DNAH2: variants seen among roughly 807,000 people sequenced by gnomAD.
DNAH2 encodes the protein dynein axonemal heavy chain 2, also known as axonemal beta dynein heavy chain 2.
In DNAH2, 323 loss-of-function variants were observed where a neutral mutation model predicts 523.5. The ratio of observed to expected loss-of-function variants is 0.62; its 90% CI spans 0.56 to 0.68. The LOEUF is 0.68. Among genes scored for constraint, DNAH2 ranks in the 30% least tolerant of loss-of-function variants. The pLI, the probability that DNAH2 is intolerant of heterozygous loss-of-function variation, is 0.00. For synonymous variants in DNAH2, 2,093 were observed against 2,177.4 expected, an observed-to-expected ratio of 0.96 and a Z score of 1.08; for missense variants, 4,907 against 5,701.5, an observed-to-expected ratio of 0.86 and a Z score of 4.49.
In DNAH2 at chr17:7,805,082, G is replaced by C; in HGVS notation, c.9300+8G>C. The C allele has an allele frequency of 1.9e-6, 3 of 1,612,342 alleles. No homozygotes were observed. The highest frequency in any genetic ancestry group is 2.5e-6 in the Non-Finnish European group (3 of 1,178,700). ...CTGGAAGAGGCCATGCGGGTACCAG[G>C]GGCGGGTGCAAGGATGGGAGCCAGG... On this transcript the variant is annotated splice_region_variant and intron_variant, in intron 60 of 85. Transcript: ENST00000572933.
chr17:7,740,993 G>C lies in DNAH2; in HGVS notation c.1689+1G>C. 2.5e-6 allele frequency: 4 copies of C among 1,594,988 alleles called. No individual in the cohort carries two copies. Among genetic ancestry groups the C allele is most frequent in the African/African-American group, 1.3e-5 (1 of 74,704 alleles). ...GCGTCGCATCGACAGAGTCATGACC[G>C]TAAGTGCCTGGCCTTCTCCATATTC... On this transcript the variant is annotated splice_donor_variant, in intron 11 of 85. Coordinates refer to ENST00000572933, the MANE Select transcript of DNAH2 (RefSeq NM_020877.5). LOFTEE classifies it high-confidence loss of function.
In DNAH2 at chr17:7,801,659, C is replaced by T. The variant is rs752932238; in HGVS notation, c.8781C>T (p.Leu2927=). 30 of 1,614,016 alleles carry T rather than the reference C, an allele frequency of 1.9e-5. No individual in the cohort carries two copies. The highest frequency in any genetic ancestry group is 1.5e-4 in the Admixed American group (9 of 59,978). Residue 2927 remains leucine, a synonymous_variant, in exon 57 of 86, where the codon CTC becomes CTT. Coordinates refer to ENST00000572933, the MANE Select transcript of DNAH2 (RefSeq NM_020877.5). Reference sequence around the variant, plus strand: ...CAGAGTGGCCCCAAGAGGCCCTGCTCGAGGTGGCTGAGAAGTGCCTCATAG... The same window carrying T: ...CAGAGTGGCCCCAAGAGGCCCTGCTTGAGGTGGCTGAGAAGTGCCTCATAG... ...WFSEWPQEAL[L]EVAEKCLIGV...
At chr17:7,802,757 G>C (rs902395041) in intron 58 of DNAH2, among the ~76,000 whole-genome samples, 1 of 151,876 alleles carries the variant, frequency 6.6e-6, no homozygotes, top group South Asian at 2.1e-4. Context: ...TCTGCCTCCC[G>C]GGTTCAAGTG....
chr17:7,822,596 C>A (rs1188956213), intron 73 of DNAH2, among the ~76,000 whole-genome samples: 3 of 151,754 alleles, frequency 2.0e-5, no homozygotes, highest in African/African-American at 7.3e-5. Flanking sequence ...CTTGGCACTG[C>A]CGTCTTTGCT....
intron 20 of DNAH2, among the ~76,000 whole-genome samples, chr17:7,764,551 C>A (rs183812868): frequency 1.2e-4 from 18 of 151,826 alleles, no homozygotes; most frequent in African/African-American, 4.1e-4. Flanking sequence ...ACCTCTGCCT[C>A]CCAGGCTCAA....
rs767057174 is a variant in DNAH2 at position 7,759,772 on chromosome 17, T to G, written c.2638-19T>G. ...CAGTCCTAAGGCTTTTCTCTCCATC[T>G]CCACTGGGTTCCTCACAGGTGGAAT... On this transcript the variant is annotated intron_variant, in intron 16 of 85. Coordinates refer to ENST00000572933, the MANE Select transcript of DNAH2 (RefSeq NM_020877.5). 1.9e-6 allele frequency: 3 copies of G among 1,614,020 alleles called. No homozygotes were observed. Among genetic ancestry groups the G allele is most frequent in the South Asian group, 1.1e-5 (1 of 91,084 alleles).
At chr17:7,802,046 G>A in intron 58 of DNAH2, 29 bp downstream of exon 58, 2 of 1,612,684 alleles carry the variant, frequency 1.2e-6, no homozygotes, top group East Asian at 2.2e-5. Context: ...GATGTGCAGG[G>A]CCAGGGAGGC....
rs138316732 is a variant in DNAH2, at chr17:7,776,047, G to C, written c.4845G>C (p.Gln1615His). 1 of 1,613,962 alleles carries C rather than the reference G, an allele frequency of 6.2e-7. No homozygotes were observed. Among genetic ancestry groups the C allele is most frequent in the African/African-American group, 1.3e-5 (1 of 74,946 alleles). The stretch of plus-strand genomic sequence containing the variant: ...AGTCCTGGCTTGGCGATGTGGAACA[G>C]ACCATGAGGGTGACCCTGCGGGACC... Reference protein sequence around the residue: ...PVESWLGDVEQTMRVTLRDLL... With the variant: ...PVESWLGDVEHTMRVTLRDLL... Residue 1615 changes from glutamine (Q) to histidine (H), a missense_variant, in exon 31 of 86, where the codon CAG becomes CAC. Physicochemically the swap from Gln to His is conservative, Grantham distance 24. Coordinates refer to ENST00000572933, the MANE Select transcript of DNAH2 (RefSeq NM_020877.5).
In DNAH2 at chr17:7,817,955, A is replaced by ATCATCGACC. The variant is rs762459294; in HGVS notation, c.10248_10256dup (p.Ile3417_Leu3419dup). The stretch of plus-strand genomic sequence containing the variant: ...CCCCCTTGCTCTCTAGGGCCTGAAG[A>ATCATCGACC]TCATCGACCTGCAGATGAGCGATTA... On this transcript the variant is annotated inframe_insertion, in exon 68 of 86. Coordinates refer to ENST00000572933, the MANE Select transcript of DNAH2 (RefSeq NM_020877.5). 6.2e-7 allele frequency: 1 copy of ATCATCGACC among 1,613,940 alleles called. No homozygotes were observed. Among genetic ancestry groups the ATCATCGACC allele is most frequent in the Non-Finnish European group, 8.5e-7 (1 of 1,179,968 alleles).
chr17:7,723,236 C>T (rs2074683801), intron 2 of DNAH2, among the ~76,000 whole-genome samples: 1 of 138,078 alleles, frequency 7.2e-6, no homozygotes, highest in Admixed American at 7.6e-5. Context: ...TCCCAAAGTG[C>T]TGGGATTACA....
intron 32 of DNAH2, among the ~76,000 whole-genome samples, chr17:7,777,137 A>G (rs2076476948): frequency 6.6e-6 from 1 of 151,812 alleles, no homozygotes; most frequent in South Asian, 2.1e-4. Flanking sequence ...TCAAAAAAAA[A>G]AAAAAAGAAA....
chr17:7,805,464 A>T lies in DNAH2; in HGVS notation c.9442+71A>T, dbSNP rs909643069. The stretch of plus-strand genomic sequence containing the variant: ...TTATTGATCGTCGGCTGTGCAGCAG[A>T]CACTCAGAAAGATAGGGATGGATGA... On this transcript the variant is annotated intron_variant, in intron 61 of 85. Coordinates refer to ENST00000572933, the MANE Select transcript of DNAH2 (RefSeq NM_020877.5). 23 of 1,599,742 alleles carry T rather than the reference A, an allele frequency of 1.4e-5. No individual in the cohort carries two copies. In the African/African-American group the frequency reaches 2.7e-4, roughly 19 times the overall value.
intron 49 of DNAH2, 146 bp from the exon 50 acceptor site, chr17:7,796,318 G>C: frequency 1.2e-6 from 1 of 821,748 alleles, no homozygotes; most frequent in Non-Finnish European, 1.8e-6. Context: ...CAAAGTACTG[G>C]GATTACAGGC....
rs1233954901 is a variant in DNAH2 at position 7,824,753 on chromosome 17, C to A, written c.11853+26C>A. On this transcript the variant is annotated intron_variant, in intron 77 of 85. Coordinates refer to ENST00000572933, the MANE Select transcript of DNAH2 (RefSeq NM_020877.5). ...GTATGTGGCCATAGAGAACCAGCATCATCAGGGCCATCTGGTCCACCTTAC... is the reference window on the plus strand; with the variant it reads ...GTATGTGGCCATAGAGAACCAGCATAATCAGGGCCATCTGGTCCACCTTAC... The A allele has an allele frequency of 3.4e-6, 5 of 1,470,130 alleles. No individual in the cohort carries two copies. In the East Asian group the frequency reaches 1.3e-4, roughly 38 times the overall value. 91.1% of individuals were successfully genotyped at this position (1,470,130 alleles called of 1,614,324 possible).
chr17:7,775,511 C>A (rs1044398543), intron 30 of DNAH2, among the ~76,000 whole-genome samples, 169 bp downstream of exon 30: 1 of 152,002 alleles, frequency 6.6e-6, no homozygotes, highest in Non-Finnish European at 1.5e-5. Context: ...CATGGAGAAA[C>A]CCCGTTTCTG....
chr17:7,798,511 G>T lies in DNAH2; in HGVS notation c.8399-47G>T. The T allele has an allele frequency of 6.2e-7, 1 of 1,608,164 alleles. No individual in the cohort carries two copies. Among genetic ancestry groups the T allele is most frequent in the East Asian group, 2.2e-5 (1 of 44,802 alleles). On this transcript the variant is annotated intron_variant, in intron 54 of 85. Coordinates refer to ENST00000572933, the MANE Select transcript of DNAH2 (RefSeq NM_020877.5). The surrounding 1 kb of genome is among the most constrained non-coding windows in gnomAD (Gnocchi z 5.5). ...ATCTCAGAAAAGGAATCAAGCCCAG[G>T]ATGGGGAATCTGCAGTGAGTTTGTC... is the stretch of plus-strand genomic sequence containing the variant.
intron 43 of DNAH2, 32 bp downstream of exon 43, chr17:7,788,029 C>G (rs1213526611): frequency 1.2e-6 from 2 of 1,613,150 alleles, no homozygotes; most frequent in East Asian, 4.5e-5. Context: ...GGGAAAGTAA[C>G]CAGGGTGGCT....
At chr17:7,752,160 TACACACACACACAC>T (rs1555544463) in intron 12 of DNAH2, among the ~76,000 whole-genome samples, 4 of 124,950 alleles carry the variant, frequency 3.2e-5, no homozygotes, top group Non-Finnish European at 6.5e-5. Context: ...TAAGTCATTT[TACACACACACACAC>T]ACACACACAC....
Position 7,833,177 on chromosome 17 carries a change from C to A in DNAH2, c.13085C>A (p.Thr4362Lys). The stretch of plus-strand genomic sequence containing the variant: ...ATGCAGCTTGTCTGCCTCATGCCCA[C>A]GATCCACTTCCGGCCTGCAGAGAGC... ...EPMQLVCLMP[T>K]IHFRPAESRK... is the part of the protein sequence containing the mutation. The change falls in exon 85 of 86, where the codon ACG becomes AAG. Residue 4362 changes from threonine (T) to lysine (K), a missense_variant. Coordinates refer to ENST00000572933, the MANE Select transcript of DNAH2 (RefSeq NM_020877.5). 6.2e-7 allele frequency: 1 copy of A among 1,609,106 alleles called. No homozygotes were observed. The highest frequency in any genetic ancestry group is 8.5e-7 in the Non-Finnish European group (1 of 1,180,008).
Sources: allele counts gnomAD v4.1 joint callset (sites outside exome capture counted in the v4.1 genomes callset), GRCh38; gene constraint gnomAD v4.1.1; non-coding constraint Gnocchi (gnomAD v3.1); transcripts MANE v1.5; gene names NCBI Gene and HGNC (gene_info 2026-07-23, HGNC 2026-07-21).